POU2F3: variants seen among roughly 807,000 people sequenced by gnomAD.
POU2F3 encodes the protein POU domain, class 2, transcription factor 3.
Under a neutral mutation model 59.2 loss-of-function variants are expected in POU2F3, and 23 were observed. That is an observed-to-expected ratio of 0.39 (90% CI 0.28 to 0.55). POU2F3 has a LOEUF of 0.55. Ranked by LOEUF, POU2F3 falls within the 20% of genes least tolerant of loss-of-function variation. The pLI, the probability that POU2F3 is intolerant of heterozygous loss-of-function variation, is 0.66. For missense variants in POU2F3, 473 were observed against 544.5 expected, an observed-to-expected ratio of 0.87 and a Z score of 1.31; for synonymous variants, 190 against 214.6, an observed-to-expected ratio of 0.89 and a Z score of 1.00.
intron 10 of POU2F3, among the ~76,000 whole-genome samples, chr11:120,314,770 T>C (rs948156093): frequency 6.6e-6 from 1 of 152,136 alleles, no homozygotes; most frequent in African/African-American, 2.4e-5. Flanking sequence ...CCCAGGTCCC[T>C]TTCTAATCTC....
upstream of POU2F3, chr11:120,236,664 A>C (rs1469872041): frequency 6.7e-7 from 1 of 1,499,476 alleles, no homozygotes; most frequent in Non-Finnish European, 9.0e-7. Flanking sequence ...GAGCTCAAAA[A>C]ACCGGTTTCA....
intron 10 of POU2F3, among the ~76,000 whole-genome samples, chr11:120,310,610 G>A (rs905359073): frequency 1.3e-5 from 2 of 152,118 alleles, no homozygotes; most frequent in Admixed American, 1.3e-4. Flanking sequence ...GGTGTGGGAA[G>A]GTTCTTCTCT....
chr11:120,309,352 T>C lies in POU2F3; in HGVS notation c.907-73T>C, dbSNP rs1037813721. The C allele has an allele frequency of 3.4e-6, 5 of 1,454,152 alleles. No individual in the cohort carries two copies. In the African/African-American group the frequency reaches 7.0e-5, roughly 20 times the overall value. 90.1% of individuals were successfully genotyped at this position (1,454,152 alleles called of 1,614,324 possible). A position where few individuals can be genotyped will look rare whatever the true frequency, so the allele number is the denominator to read the frequency against. On this transcript the variant is annotated intron_variant, in intron 9 of 12. Transcript: ENST00000543440. ...TTGATCCATGTATAGTTGTATCCTG[T>C]TTCTTTGGGACCTCTGTTCCCTGCC... is the stretch of plus-strand genomic sequence containing the variant.
upstream of POU2F3, chr11:120,236,823 G>A (rs1045571755): frequency 5.5e-6 from 6 of 1,092,790 alleles, no homozygotes; most frequent in African/African-American, 3.1e-5. Context: ...CTATACACAG[G>A]TGGGACTTAG....
chr11:120,245,128 C>T (rs1938817968), intron 1 of POU2F3, among the ~76,000 whole-genome samples: 1 of 152,160 alleles, frequency 6.6e-6, no homozygotes, highest in African/African-American at 2.4e-5. Context: ...CTGACTTTCT[C>T]CCCTATTTCT....
intron 12 of POU2F3, among the ~76,000 whole-genome samples, chr11:120,317,950 A>G (rs1941830177): frequency 6.6e-6 from 1 of 152,216 alleles, no homozygotes; most frequent in African/African-American, 2.4e-5. Flanking sequence ...TGTAGGTTAC[A>G]GACCTGAGTT....
At chr11:120,283,439 G>A (rs1251985002) in intron 3 of POU2F3, among the ~76,000 whole-genome samples, 1 of 152,154 alleles carries the variant, frequency 6.6e-6, no homozygotes, top group African/African-American at 2.4e-5. Context: ...GTCCTGCTCA[G>A]GCAGGCCTCT....
intron 10 of POU2F3, among the ~76,000 whole-genome samples, chr11:120,311,402 T>C (rs898915407): frequency 2.0e-5 from 3 of 151,176 alleles, no homozygotes; most frequent in Admixed American, 2.0e-4. Flanking sequence ...CCCCATGAGG[T>C]AGGAATGACA....
At chr11:120,277,240 G>A (rs1014115967) in intron 3 of POU2F3, among the ~76,000 whole-genome samples, 3 of 151,000 alleles carry the variant, frequency 2.0e-5, no homozygotes, top group South Asian at 2.1e-4. Context: ...ACAGTGAGCC[G>A]AGATCGTGCC....
intron 3 of POU2F3, among the ~76,000 whole-genome samples, chr11:120,290,214 C>T (rs532618026): frequency 2.6e-5 from 4 of 152,286 alleles, no homozygotes; most frequent in South Asian, 2.1e-4. Context: ...CTTCATTTAT[C>T]CAATGCCCTT....
At chr11:120,259,087 C>T (rs1939486265) in intron 2 of POU2F3, 1 of 152,280 alleles carries the variant, frequency 6.6e-6, no homozygotes, top group Admixed American at 6.5e-5. Context: ...TCCCCTGTGG[C>T]ATGGCCCTAG....
chr11:120,238,766 G>T (rs1052683529), upstream of POU2F3, among the ~76,000 whole-genome samples: 2 of 145,438 alleles, frequency 1.4e-5, no homozygotes, highest in African/African-American at 5.1e-5. Context: ...GGAGGTGGAG[G>T]TTGCAGTGAG....
At chr11:120,273,309 T>C (rs767032035) in intron 3 of POU2F3, among the ~76,000 whole-genome samples, 1 of 152,228 alleles carries the variant, frequency 6.6e-6, no homozygotes, top group Non-Finnish European at 1.5e-5. Flanking sequence ...GAAGATAAAC[T>C]GCAACGATGC....
chr11:120,254,636 C>T (rs1284827013), intron 2 of POU2F3, among the ~76,000 whole-genome samples: 4 of 152,194 alleles, frequency 2.6e-5, no homozygotes, highest in African/African-American at 9.7e-5. Context: ...AGGAAGAGGG[C>T]CAGAGTCAAG....
chr11:120,247,790 C>G (rs758709650), intron 2 of POU2F3, among the ~76,000 whole-genome samples: 10 of 152,180 alleles, frequency 6.6e-5, no homozygotes, highest in Admixed American at 1.3e-4. Flanking sequence ...AGAGAAAAAC[C>G]AGCCCAGGAG....
intron 2 of POU2F3, chr11:120,256,888 A>G (rs1939365356): frequency 6.6e-6 from 1 of 152,214 alleles, no homozygotes; most frequent in Non-Finnish European, 1.5e-5. Context: ...TAGTATGGAC[A>G]GCCTTTGCTG....
chr11:120,242,660 C>G (rs1217218309), intron 1 of POU2F3, among the ~76,000 whole-genome samples: 1 of 152,156 alleles, frequency 6.6e-6, no homozygotes, highest in Non-Finnish European at 1.5e-5. Flanking sequence ...TCGCCCACTC[C>G]AAGGGCTCCA....
Position 120,290,725 on chromosome 11 carries a change from T to G in POU2F3, c.133-7540T>G, listed in dbSNP as rs150024125. Among the ~76,000 whole-genome samples, 293 of 152,380 alleles carry G rather than the reference T, an allele frequency of 1.9e-3. 1 individual carries two copies. Among genetic ancestry groups the G allele is most frequent in the African/African-American group, 6.8e-3 (281 of 41,586 alleles). Reference sequence around the variant, plus strand: ...AGTGTTTCTCATCTCTACAGTGCTTTAAAAAATATTTTTTCTCTTTCTTGA... The same window carrying G: ...AGTGTTTCTCATCTCTACAGTGCTTGAAAAAATATTTTTTCTCTTTCTTGA... On this transcript the variant is annotated intron_variant, in intron 3 of 12. Coordinates refer to ENST00000543440, the MANE Select transcript of POU2F3 (RefSeq NM_014352.4).
intron 2 of POU2F3, among the ~76,000 whole-genome samples, chr11:120,254,339 C>T (rs1334949928): frequency 1.3e-5 from 2 of 152,172 alleles, no homozygotes; most frequent in African/African-American, 4.8e-5. Context: ...ACTTCAGACC[C>T]CAGAGTTGGG....
Sources: allele counts gnomAD v4.1 joint callset (sites outside exome capture counted in the v4.1 genomes callset), GRCh38; gene constraint gnomAD v4.1.1; transcripts MANE v1.5; gene names NCBI Gene and HGNC (gene_info 2026-07-23, HGNC 2026-07-21).